The following R3HCC1 variants were observed in gnomAD, a reference collection of about 807,000 sequenced individuals.
The protein encoded by R3HCC1 is R3H and coiled-coil domain-containing protein 1.
Under a neutral mutation model 40.0 loss-of-function variants are expected in R3HCC1, and 32 were observed. The ratio of observed to expected loss-of-function variants is 0.80; its 90% CI spans 0.60 to 1.07. The LOEUF (loss-of-function observed/expected upper bound fraction) is 1.07. R3HCC1 is among the 50% of genes least tolerant of loss of function. The pLI is 0.00. For missense variants in R3HCC1, 586 were observed against 563.3 expected (o/e 1.04, Z -0.41); for synonymous variants, 237 against 232.8 (o/e 1.02, Z -0.17).
chr8:23,296,080 G>T lies in R3HCC1; in HGVS notation c.1306G>T (p.Gly436Cys). ...AAAGAAAGAGCGGCCTGCTGTCCGG[G>T]GTCCGCTGCCGCCCTGAGGCCTGGA... The change falls in exon 8 of 8, where the codon GGT becomes TGT. Residue 436 changes from glycine (G) to cysteine (C), a missense_variant. Gly to Cys is a radical substitution (Grantham distance 159). Coordinates refer to ENST00000265806, the MANE Select transcript of R3HCC1 (RefSeq NM_001136108.3). 6.5e-7 allele frequency: 1 copy of T among 1,550,164 alleles called. No individual in the cohort carries two copies. Among genetic ancestry groups the T allele is most frequent in the Non-Finnish European group, 8.7e-7 (1 of 1,146,796 alleles).
At chr8:23,289,595 C>T (rs1324430903) in intron 3 of R3HCC1, among the ~76,000 whole-genome samples, 1 of 152,196 alleles carries the variant, frequency 6.6e-6, no homozygotes, top group Non-Finnish European at 1.5e-5. Flanking sequence ...TTCTTAAATG[C>T]AAGAGCTTAC....
intron 6 of R3HCC1, 80 bp downstream of exon 6, chr8:23,293,453 A>G: frequency 8.8e-7 from 1 of 1,130,698 alleles, no homozygotes; most frequent in South Asian, 1.4e-5. Flanking sequence ...GGTAGAGGCC[A>G]CCATCTCCTG....
At chr8:23,291,663 C>T in intron 5 of R3HCC1, 130 bp downstream of exon 5, 2 of 1,422,100 alleles carry the variant, frequency 1.4e-6, no homozygotes, top group Non-Finnish European at 1.9e-6. Context: ...GGGTGTGTTG[C>T]CTGGGCTCTG....
intron 3 of R3HCC1, among the ~76,000 whole-genome samples, chr8:23,289,477 A>G (rs1258827449): frequency 6.6e-6 from 1 of 152,184 alleles, no homozygotes; most frequent in Admixed American, 6.5e-5. Context: ...CCAGAAAAGC[A>G]CCTGCTGGGC....
chr8:23,294,892 GGAGGCTGTGTGTGTGTGTGTGCGTGC>G, intron 7 of R3HCC1, 28 bp downstream of exon 7: 1 of 1,497,738 alleles, frequency 6.7e-7, no homozygotes, highest in Non-Finnish European at 9.1e-7. Flanking sequence ...CCCTGAATAG[GGAGGCTGTGTGTGTGTGTGTGCGTGC>G]GAGCATGTGT....
rs756797914 is a variant in R3HCC1 at position 23,293,334 on chromosome 8, G to T, written c.1057G>T (p.Asp353Tyr). The T allele has an allele frequency of 1.3e-6, 2 of 1,551,428 alleles. No homozygotes were observed. Among genetic ancestry groups the T allele is most frequent in the South Asian group, 1.2e-5 (1 of 84,046 alleles). ...GGGGTTCAGGATTCAGTGGGTGGAT[G>T]ATACTCACGCACTCGGCATCTTTCC... The change falls in exon 6 of 8, where the codon GAT becomes TAT. Residue 353 changes from aspartate to tyrosine, a missense_variant. Transcript: ENST00000265806.
chr8:23,288,926 C>T (rs549595220), intron 2 of R3HCC1, 90 bp from the exon 3 acceptor site: 21 of 1,404,040 alleles, frequency 1.5e-5, no homozygotes, highest in Non-Finnish European at 1.9e-5. Flanking sequence ...AGAAGGGAGC[C>T]CAGTGTTAAT....
intron 7 of R3HCC1, chr8:23,295,509 T>C (rs1002792): frequency 0.57 from 258,930 of 458,146 alleles, 74,450 homozygotes; most frequent in East Asian, 0.81. Context: ...TTCAAAGTAG[T>C]AACTAGTAAA....
At chr8:23,292,104 T>G (rs1235480694) in intron 5 of R3HCC1, among the ~76,000 whole-genome samples, 1 of 152,184 alleles carries the variant, frequency 6.6e-6, no homozygotes, top group Non-Finnish European at 1.5e-5. Flanking sequence ...CCCCTTCCCC[T>G]TCTTTGTTCC....
chr8:23,291,160 G>T, intron 4 of R3HCC1: 1 of 535,938 alleles, frequency 1.9e-6, no homozygotes, highest in Non-Finnish European at 3.2e-6. Context: ...ACTTAGTGGG[G>T]ACTCCATACA....
chr8:23,296,189 A>G lies in R3HCC1; in HGVS notation c.*92A>G, dbSNP rs1464385577. ...TTCACAGACGCCAGAGCAGCCCCGC[A>G]CCACCCTCGAGCTTCACCATGGGGT... On this transcript the variant is annotated 3_prime_UTR_variant, in exon 8 of 8. Transcript: ENST00000265806. 4 of 1,407,768 alleles carry G rather than the reference A, an allele frequency of 2.8e-6. No individual in the cohort carries two copies. Among genetic ancestry groups the G allele is most frequent in the Non-Finnish European group, 3.8e-6 (4 of 1,063,476 alleles). 87.2% of individuals were successfully genotyped at this position (1,407,768 alleles called of 1,614,324 possible).
chr8:23,293,180 T>C (rs1802906599), intron 5 of R3HCC1, 123 bp from the exon 6 acceptor site: 4 of 713,192 alleles, frequency 5.6e-6, no homozygotes, highest in Admixed American at 2.4e-5. Context: ...CCAGAAGAGA[T>C]GGGACCTTGC....
rs1275550302 is a variant in R3HCC1 at position 23,296,173 on chromosome 8, G to A, written c.*76G>A. On this transcript the variant is annotated 3_prime_UTR_variant, in exon 8 of 8. Transcript: ENST00000265806. ...CCCAACACCATAAGCCTTCACAGAC[G>A]CCAGAGCAGCCCCGCACCACCCTCG... 1.5e-5 allele frequency: 22 copies of A among 1,469,366 alleles called. No homozygotes were observed. The highest frequency in any genetic ancestry group is 7.1e-5 in the African/African-American group (5 of 70,662). The allele number at this position is 1,469,366 out of a possible 1,614,324, so 91.0% of individuals were successfully genotyped here.
At chr8:23,293,158 A>T in intron 5 of R3HCC1, 145 bp from the exon 6 acceptor site, 1 of 600,126 alleles carries the variant, frequency 1.7e-6, no homozygotes. Context: ...GCTGCAAATG[A>T]TTGTCTCCGT....
intron 5 of R3HCC1, among the ~76,000 whole-genome samples, chr8:23,292,886 G>A (rs1354133625): frequency 6.6e-6 from 1 of 152,192 alleles, no homozygotes; most frequent in Non-Finnish European, 1.5e-5. Context: ...GAATAAAGCT[G>A]ACAGGAGCAT....
At chr8:23,288,977 C>T (rs1563178093) in intron 2 of R3HCC1, 39 bp from the exon 3 acceptor site, 2 of 1,534,842 alleles carry the variant, frequency 1.3e-6, no homozygotes, top group African/African-American at 1.4e-5. Flanking sequence ...GGGCCAGGCC[C>T]TGGACACCTG....
chr8:23,293,314 T>C lies in R3HCC1; in HGVS notation c.1037T>C (p.Phe346Ser). 1.9e-6 allele frequency: 3 copies of C among 1,551,396 alleles called. No individual in the cohort carries two copies. Among genetic ancestry groups the C allele is most frequent in the Non-Finnish European group, 2.6e-6 (3 of 1,146,920 alleles). ...CTCTCGCCGCACAGAGAGAAGGGGT[T>C]CAGGATTCAGTGGGTGGATGATACT... The change falls in exon 6 of 8, where the codon TTC (phenylalanine) becomes TCC (serine). Residue 346 changes from phenylalanine to serine, a missense_variant. Coordinates refer to ENST00000265806, the MANE Select transcript of R3HCC1 (RefSeq NM_001136108.3).
chr8:23,296,155 C>T lies in R3HCC1; in HGVS notation c.*58C>T. 2 of 1,509,442 alleles carry T rather than the reference C, an allele frequency of 1.3e-6. No homozygotes were observed. The highest frequency in any genetic ancestry group is 1.8e-6 in the Non-Finnish European group (2 of 1,125,608). The allele number at this position is 1,509,442 out of a possible 1,614,324, so 93.5% of individuals were successfully genotyped here. On this transcript the variant is annotated 3_prime_UTR_variant, in exon 8 of 8. Coordinates refer to ENST00000265806, the MANE Select transcript of R3HCC1 (RefSeq NM_001136108.3). ...CCCGACGTAGCTGGCGCCCCCAACA[C>T]CATAAGCCTTCACAGACGCCAGAGC...
rs910426009 is a variant in R3HCC1 at position 23,288,992 on chromosome 8, G to A, written c.111-24G>A. The A allele has an allele frequency of 4.6e-6, 7 of 1,535,916 alleles. No homozygotes were observed. The East Asian group carries it at 1.5e-4, about 32-fold the overall frequency. On this transcript the variant is annotated intron_variant, in intron 2 of 7. Coordinates refer to ENST00000265806, the MANE Select transcript of R3HCC1 (RefSeq NM_001136108.3). ...GGGCCAGGCCCTGGACACCTGCTCAGCACTTCTTCCCCTCCCTCCCCAGGG... is the reference window on the plus strand; with the variant it reads ...GGGCCAGGCCCTGGACACCTGCTCAACACTTCTTCCCCTCCCTCCCCAGGG...
Sources: allele counts gnomAD v4.1 joint callset (sites outside exome capture counted in the v4.1 genomes callset), GRCh38; gene constraint gnomAD v4.1.1; transcripts MANE v1.5; gene names NCBI Gene and HGNC (gene_info 2026-07-23, HGNC 2026-07-21).